BAZ2B: variants seen among roughly 807,000 people sequenced by gnomAD.
BAZ2B encodes bromodomain adjacent to zinc finger domain protein 2B.
In BAZ2B, 91 loss-of-function variants were observed where a neutral mutation model predicts 246.0. The observed-to-expected ratio is 0.37, with a 90% confidence interval of 0.31 to 0.44. The LOEUF (loss-of-function observed/expected upper bound fraction) is 0.44. Ranked by LOEUF, BAZ2B falls within the 20% of genes least tolerant of loss-of-function variation. The probability of loss-of-function intolerance (pLI) is 1.00; values close to 1 mark genes in which losing one functional copy is unlikely to be tolerated. For missense variants in BAZ2B, 2,332 were observed against 2,533.7 expected, an observed-to-expected ratio of 0.92 and a Z score of 1.71; for synonymous variants, 855 against 860.0, an observed-to-expected ratio of 0.99 and a Z score of 0.10.
the BAZ2B span, among the ~76,000 whole-genome samples, chr2:159,638,129 G>A: frequency 6.6e-6 from 1 of 152,190 alleles, no homozygotes; most frequent in Admixed American, 6.5e-5. Context: ...AAGAACAAAA[G>A]TCTCTGCGTG....
At chr2:159,707,055 CACAG>C in the BAZ2B span, among the ~76,000 whole-genome samples, 1 of 152,280 alleles carries the variant, frequency 6.6e-6, no homozygotes, top group Admixed American at 6.5e-5. Flanking sequence ...AATAAATATT[CACAG>C]ACAGATAATG....
At chr2:159,506,069 C>T (rs2082297142) in intron 2 of BAZ2B, among the ~76,000 whole-genome samples, 1 of 152,148 alleles carries the variant, frequency 6.6e-6, no homozygotes, top group Admixed American at 6.5e-5. Context: ...TTCCAAGAGT[C>T]TTCTGCCCCT....
the BAZ2B span, among the ~76,000 whole-genome samples, chr2:159,688,574 T>G: frequency 4.6e-5 from 7 of 152,148 alleles, 1 homozygote; most frequent in South Asian, 1.5e-3. Context: ...TTTCACCAAT[T>G]GTTTCACTAA....
intron 2 of BAZ2B, among the ~76,000 whole-genome samples, chr2:159,500,086 T>A (rs1160056673): frequency 6.6e-6 from 1 of 152,204 alleles, no homozygotes; most frequent in Non-Finnish European, 1.5e-5. Flanking sequence ...TCATAAAATC[T>A]TTGCCCATGC....
chr2:159,574,019 G>A (rs1338916507), intron 1 of BAZ2B, among the ~76,000 whole-genome samples: 1 of 151,990 alleles, frequency 6.6e-6, no homozygotes, highest in Non-Finnish European at 1.5e-5. Flanking sequence ...AGGATCCCTA[G>A]AGCCTGGGAG....
rs1395448435 is a variant in BAZ2B at position 159,412,536 on chromosome 2, A to G, written c.2476T>C (p.Trp826Arg). 5.0e-6 allele frequency: 8 copies of G among 1,612,890 alleles called. No homozygotes were observed. Among genetic ancestry groups the G allele is most frequent in the Non-Finnish European group, 6.8e-6 (8 of 1,179,420 alleles). Reference sequence around the variant, plus strand: ...ACATCCTCTTCTTTCAAAAGACACCACTGCATTCCCTTTTAATTAACATTT... The same window carrying G: ...ACATCCTCTTCTTTCAAAAGACACCGCTGCATTCCCTTTTAATTAACATTT... ...EARDGPQGMQ[W>R]CLLKEEDVIP... Residue 826 changes from tryptophan to arginine, a missense_variant, in exon 14 of 37, where the codon TGG becomes CGG. Physicochemically the swap from Trp to Arg is moderately radical, Grantham distance 101. This residue lies in a region of BAZ2B where 651 missense variants were observed against 650.9 expected (regional missense o/e 1.00). Transcript: ENST00000392783.
At chr2:159,571,173 T>G (rs1683922877) in intron 1 of BAZ2B, among the ~76,000 whole-genome samples, 1 of 152,138 alleles carries the variant, frequency 6.6e-6, no homozygotes, top group South Asian at 2.1e-4. Flanking sequence ...TTTTTATCAA[T>G]TTGTTTTCTG....
intron 1 of BAZ2B, among the ~76,000 whole-genome samples, chr2:159,561,640 T>C (rs1185265867): frequency 6.6e-6 from 1 of 152,232 alleles, no homozygotes; most frequent in African/African-American, 2.4e-5. Context: ...ACATGTGGCT[T>C]ATGGCTACCA....
intron 3 of BAZ2B, among the ~76,000 whole-genome samples, chr2:159,477,852 C>T (rs6725557): frequency 0.51 from 77,311 of 152,012 alleles, 20,118 homozygotes; most frequent in South Asian, 0.63. Flanking sequence ...TCCTTAGTTT[C>T]GCTCTTGTTG....
chr2:159,340,668 C>G (rs142017743), intron 31 of BAZ2B, among the ~76,000 whole-genome samples: 172 of 151,636 alleles, frequency 1.1e-3, no homozygotes, highest in Non-Finnish European at 1.7e-3. Flanking sequence ...GCCAAGAAAG[C>G]CTTCAGAAAT....
intron 2 of BAZ2B, among the ~76,000 whole-genome samples, chr2:159,519,366 A>G (rs970281171): frequency 2.0e-5 from 3 of 148,248 alleles, no homozygotes; most frequent in Non-Finnish European, 4.5e-5. Flanking sequence ...AGTAGCTGGG[A>G]CTACAGGCGC....
At position 159,349,840 on chromosome 2, in the gene BAZ2B, A is replaced by G. The variant is rs1477783241; in HGVS notation, c.4731T>C (p.Asp1577=). Residue 1577 remains aspartate, a synonymous_variant, in exon 28 of 37, where the codon GAT becomes GAC. Transcript: ENST00000392783. ...PCDDTSLTHA[D]MSTASLVTPQ... is the part of the protein sequence containing the mutation. ...GAGTCACCAAAGAAGCAGTTGACAT[A>G]TCGGCATGAGTAAGTGAAGTGTCAT... is the stretch of plus-strand genomic sequence containing the variant. 8.7e-6 allele frequency: 14 copies of G among 1,614,108 alleles called. No homozygotes were observed. Among genetic ancestry groups the G allele is most frequent in the Non-Finnish European group, 1.0e-5 (12 of 1,180,028 alleles).
At chr2:159,456,990 A>T (rs7563375) in intron 3 of BAZ2B, among the ~76,000 whole-genome samples, 11,159 of 152,240 alleles carry the variant, frequency 0.073, 548 homozygotes, top group Middle Eastern at 0.16. Context: ...TGATATTTTT[A>T]AAAAAGTAAT....
At chr2:159,690,123 A>C in the BAZ2B span, 1 of 534,986 alleles carries the variant, frequency 1.9e-6, no homozygotes, top group Non-Finnish European at 3.1e-6. Context: ...CTCACTTCAA[A>C]CACATGACTC....
intron 2 of BAZ2B, among the ~76,000 whole-genome samples, chr2:159,525,239 T>G (rs1198095528): frequency 2.0e-5 from 3 of 152,100 alleles, no homozygotes; most frequent in Admixed American, 1.3e-4. Flanking sequence ...AAGGACAACA[T>G]AAGCTAAGGA....
At chr2:159,627,537 C>T in the BAZ2B span, among the ~76,000 whole-genome samples, 20 of 152,190 alleles carry the variant, frequency 1.3e-4, no homozygotes, top group Non-Finnish European at 2.5e-4. Flanking sequence ...TAAACGTAAT[C>T]CATCACATAA....
chr2:159,490,730 A>G (rs895104201), intron 2 of BAZ2B, among the ~76,000 whole-genome samples: 2 of 151,764 alleles, frequency 1.3e-5, no homozygotes, highest in African/African-American at 4.8e-5. Flanking sequence ...GGATCTCCCT[A>G]TGTTGCTCAG....
At chr2:159,580,069 G>C (rs1006613284) in intron 1 of BAZ2B, among the ~76,000 whole-genome samples, 1 of 152,114 alleles carries the variant, frequency 6.6e-6, no homozygotes, top group Admixed American at 6.6e-5. Flanking sequence ...TTCTGGCCAG[G>C]GCAATCAGGC....
At chr2:159,679,505 A>G in the BAZ2B span, among the ~76,000 whole-genome samples, 2 of 152,178 alleles carry the variant, frequency 1.3e-5, no homozygotes. Context: ...GATTATGAAT[A>G]AAATGGCCAA....
Sources: gnomAD v4.1 joint callset for allele counts (sites outside exome capture counted in the v4.1 genomes callset) on GRCh38, gnomAD v4.1.1 for gene constraint, gnomAD v4.1.1 regional missense constraint, MANE v1.5 for transcripts, NCBI Gene and HGNC (gene_info 2026-07-23, HGNC 2026-07-21) for gene names.